The following TRPM4 variants were observed in gnomAD, a reference collection of about 807,000 sequenced individuals.
TRPM4 encodes transient receptor potential cation channel subfamily M member 4.
TRPM4 carries 124 observed loss-of-function variants against 135.6 expected under a neutral mutation model. The observed-to-expected ratio is 0.91, with a 90% CI of 0.79 to 1.06. The LOEUF (loss-of-function observed/expected upper bound fraction) is 1.06. Ranked by LOEUF, TRPM4 falls within the 50% of genes least tolerant of loss-of-function variation. The pLI is 0.00. For synonymous variants in TRPM4, 745 were observed against 705.6 expected (o/e 1.06, Z -0.88); for missense variants, 1,658 against 1,671.4 (o/e 0.99, Z 0.14).
intron 16 of TRPM4, among the ~76,000 whole-genome samples, chr19:49,195,761 G>A (rs1189239387): frequency 6.7e-6 from 1 of 149,932 alleles, no homozygotes; most frequent in East Asian, 1.9e-4. Flanking sequence ...ATGGCTGACT[G>A]CAGCCTGGGC....
At chr19:49,168,454 G>A (rs1362360634) in intron 5 of TRPM4, 31 bp downstream of exon 5, 8 of 1,613,866 alleles carry the variant, frequency 5.0e-6, no homozygotes, top group Non-Finnish European at 6.8e-6. Context: ...AAAGGGGGCT[G>A]GAGGCCTGGA....
In TRPM4 at chr19:49,211,603, GT is replaced by G. The variant is rs1287408011; in HGVS notation, c.*106del. Reference sequence around the variant, plus strand: ...CGCACCTGGTGGCCTTGTCCTTGAGGTGAGCCCCATGTCCATCTGGGCCACT... The same window carrying G: ...CGCACCTGGTGGCCTTGTCCTTGAGGGAGCCCCATGTCCATCTGGGCCACT... On this transcript the variant is annotated 3_prime_UTR_variant, in exon 25 of 25. Transcript: ENST00000252826. This position sits in a 1 kb window ranked among gnomAD's most constrained non-coding sequence, Gnocchi z 4.8. 10 of 1,464,518 alleles carry G rather than the reference GT, an allele frequency of 6.8e-6. No individual in the cohort carries two copies. Among genetic ancestry groups the G allele is most frequent in the Non-Finnish European group, 9.5e-6 (10 of 1,048,892 alleles). 90.7% of individuals were successfully genotyped at this position (1,464,518 alleles called of 1,614,324 possible).
chr19:49,162,431 C>A lies in TRPM4; in HGVS notation c.93-3610C>A, dbSNP rs552776986. ...GCACATGCCTGTAATCCCAGCTACT[C>A]AGGATGCTGAGGCACGAGAGTCGCT... On this transcript the variant is annotated intron_variant, in intron 2 of 24. Transcript: ENST00000252826. Among the ~76,000 whole-genome samples the A allele has an allele frequency of 1.4e-4, 22 of 152,156 alleles. No homozygotes were observed. The East Asian group carries it at 4.3e-3, about 29-fold the overall frequency.
At chr19:49,190,518 C>A (rs889883809) in intron 15 of TRPM4, among the ~76,000 whole-genome samples, 178 bp from the exon 16 acceptor site, 1 of 152,194 alleles carries the variant, frequency 6.6e-6, no homozygotes, top group African/African-American at 2.4e-5. Flanking sequence ...TCTCTAGTGG[C>A]AGTTACTCTG....
At chr19:49,208,464 G>C (rs887589075) in intron 20 of TRPM4, among the ~76,000 whole-genome samples, 6 of 152,044 alleles carry the variant, frequency 3.9e-5, no homozygotes, top group African/African-American at 1.2e-4. Flanking sequence ...CTAGACCAAG[G>C]AGCCCTCTGG....
intron 2 of TRPM4, among the ~76,000 whole-genome samples, chr19:49,162,087 G>A (rs1966987625): frequency 6.6e-6 from 1 of 152,210 alleles, no homozygotes; most frequent in South Asian, 2.1e-4. Context: ...GCCGGGGCGG[G>A]GAGGAAGGCC....
At chr19:49,175,067 C>CTGTTTTTTT (rs1967627081) in intron 9 of TRPM4, among the ~76,000 whole-genome samples, 1 of 77,596 alleles carries the variant, frequency 1.3e-5, no homozygotes, top group African/African-American at 7.4e-5. Context: ...TCATGCCTGG[C>CTGTTTTTTT]TTTTTTTTTT....
rs777930874 is a variant in TRPM4 at position 49,190,190 on chromosome 19, C to A, written c.2020-18C>A. 10 of 1,605,814 alleles carry A rather than the reference C, an allele frequency of 6.2e-6. No homozygotes were observed. Among genetic ancestry groups the A allele is most frequent in the Non-Finnish European group, 8.5e-6 (10 of 1,172,572 alleles). On this transcript the variant is annotated intron_variant, in intron 14 of 24. Transcript: ENST00000252826. ...CTGTGGGGGAGATTTGGATCCTAAT[C>A]CTTCCCACCCCCCACAGTCTCTGCT...
At chr19:49,198,691 C>T (rs189452457) in intron 17 of TRPM4, among the ~76,000 whole-genome samples, 16 of 150,426 alleles carry the variant, frequency 1.1e-4, no homozygotes, top group Non-Finnish European at 2.2e-4. Context: ...TAATCATCTC[C>T]GGAATTGAAT....
chr19:49,174,319 AT>A (rs1445536245), intron 9 of TRPM4, among the ~76,000 whole-genome samples: 5 of 152,020 alleles, frequency 3.3e-5, no homozygotes, highest in Admixed American at 1.3e-4. Flanking sequence ...TGCCCGGCTG[AT>A]TTTTGTATTT....
intron 17 of TRPM4, among the ~76,000 whole-genome samples, chr19:49,197,229 G>C (rs1423022156): frequency 1.3e-5 from 2 of 151,730 alleles, no homozygotes; most frequent in African/African-American, 4.8e-5. Flanking sequence ...TAGCTCGTTG[G>C]TCCCAGGCCC....
At chr19:49,163,045 A>G (rs1967027142) in intron 2 of TRPM4, among the ~76,000 whole-genome samples, 1 of 151,926 alleles carries the variant, frequency 6.6e-6, no homozygotes. Context: ...TACAGGCATG[A>G]ACCACTGCAC....
intron 2 of TRPM4, among the ~76,000 whole-genome samples, chr19:49,161,771 A>G (rs1684032428): frequency 6.6e-6 from 1 of 152,002 alleles, no homozygotes; most frequent in African/African-American, 2.4e-5. Context: ...CTGGGATTAC[A>G]GGCACCCACC....
In TRPM4 at chr19:49,186,108, C is replaced by G. The variant is rs528165573; in HGVS notation, c.1744-2533C>G. ...AGTCTGTATTCTTTGCATGTGTGGC[C>G]ATGGAAGCCCCTCTTCTGTTAGCTT... On this transcript the variant is annotated intron_variant, in intron 12 of 24. Transcript: ENST00000252826. 2.0e-5 allele frequency among the ~76,000 whole-genome samples: 3 copies of G among 152,284 alleles called. No individual in the cohort carries two copies. In the South Asian group the frequency reaches 6.2e-4, roughly 32 times the overall value.
Position 49,201,949 on chromosome 19 carries a change from T to C in TRPM4, c.2954-15T>C. 6.2e-7 allele frequency: 1 copy of C among 1,613,106 alleles called. No individual in the cohort carries two copies. The highest frequency in any genetic ancestry group is 8.5e-7 in the Non-Finnish European group (1 of 1,179,954). Reference sequence around the variant, plus strand: ...CTGTCCCCCTCACCCCATCTCTGAATGTCTCTCTTCACAGTGGCCCTCATG... The same window carrying C: ...CTGTCCCCCTCACCCCATCTCTGAACGTCTCTCTTCACAGTGGCCCTCATG... On this transcript the variant is annotated splice_polypyrimidine_tract_variant and intron_variant, in intron 19 of 24. Coordinates refer to ENST00000252826, the MANE Select transcript of TRPM4 (RefSeq NM_017636.4).
intron 9 of TRPM4, among the ~76,000 whole-genome samples, 158 bp downstream of exon 9, chr19:49,172,266 G>A (rs916720165): frequency 6.6e-6 from 1 of 152,126 alleles, no homozygotes; most frequent in African/African-American, 2.4e-5. Flanking sequence ...GTGCTATTTG[G>A]GCAGTTTTCC....
At position 49,166,224 on chromosome 19, in the gene TRPM4, G is replaced by A. The variant is rs776451096; in HGVS notation, c.267+9G>A. 22 of 1,590,222 alleles carry A rather than the reference G, an allele frequency of 1.4e-5. No individual in the cohort carries two copies. The highest frequency in any genetic ancestry group is 1.9e-5 in the Non-Finnish European group (22 of 1,169,562). ...GCCGCAAGCACAGCAATGTGAGGCG[G>A]GCCTCTGTGGGCGGGGCCCGGGCAC... On this transcript the variant is annotated intron_variant, in intron 3 of 24. Transcript: ENST00000252826.
At chr19:49,197,688 C>CTT (rs551709011) in intron 17 of TRPM4, among the ~76,000 whole-genome samples, 5 of 143,272 alleles carry the variant, frequency 3.5e-5, no homozygotes, top group African/African-American at 7.6e-5. Flanking sequence ...TCTTTCTTTT[C>CTT]TTTTTTTTTT....
intron 19 of TRPM4, among the ~76,000 whole-genome samples, chr19:49,201,468 G>A (rs1451181942): frequency 6.6e-6 from 1 of 152,192 alleles, no homozygotes; most frequent in Non-Finnish European, 1.5e-5. Flanking sequence ...AGAACATAAA[G>A]TACATTGATT....
Sources: gnomAD v4.1 joint callset for allele counts (sites outside exome capture counted in the v4.1 genomes callset) on GRCh38, gnomAD v4.1.1 for gene constraint, Gnocchi (gnomAD v3.1) non-coding constraint, MANE v1.5 for transcripts, NCBI Gene and HGNC (gene_info 2026-07-23, HGNC 2026-07-21) for gene names.